CNTN5: variants seen among roughly 807,000 people sequenced by gnomAD.
CNTN5 encodes the protein contactin-5.
Under a neutral mutation model 129.1 loss-of-function variants are expected in CNTN5, and 77 were observed. The observed-to-expected ratio is 0.60, with a 90% CI of 0.50 to 0.72. The LOEUF (loss-of-function observed/expected upper bound fraction) is 0.72, where lower values mean the gene tolerates loss of function less well. CNTN5 is among the 30% of genes least tolerant of loss of function. The pLI is 0.00. For synonymous variants in CNTN5, 509 were observed against 465.6 expected, an observed-to-expected ratio of 1.09 and a Z score of -1.20; for missense variants, 1,478 against 1,328.8, an observed-to-expected ratio of 1.11 and a Z score of -1.75.
intron 1 of CNTN5, among the ~76,000 whole-genome samples, chr11:99,320,674 A>G (rs1287392578): frequency 6.6e-6 from 1 of 152,198 alleles, no homozygotes; most frequent in Non-Finnish European, 1.5e-5. Flanking sequence ...GAGGGGAGTA[A>G]GTACAGATAT....
intron 1 of CNTN5, among the ~76,000 whole-genome samples, chr11:99,264,296 T>C (rs1862781614): frequency 6.6e-6 from 1 of 151,840 alleles, no homozygotes; most frequent in Non-Finnish European, 1.5e-5. Context: ...TTACACAAAA[T>C]TTGTTTGGAT....
intron 4 of CNTN5, among the ~76,000 whole-genome samples, chr11:99,822,944 C>T (rs1025065126): frequency 6.6e-6 from 1 of 152,206 alleles, no homozygotes; most frequent in African/African-American, 2.4e-5. Context: ...GAAGTCAGCT[C>T]GTGCTGAGAG....
At chr11:99,362,350 G>T (rs895861962) in intron 2 of CNTN5, among the ~76,000 whole-genome samples, 1 of 151,748 alleles carries the variant, frequency 6.6e-6, no homozygotes. Context: ...TTATTGTTGA[G>T]TTATAGGTTC....
intron 2 of CNTN5, among the ~76,000 whole-genome samples, chr11:99,534,471 C>CA (rs982356425): frequency 2.8e-4 from 42 of 151,930 alleles, no homozygotes; most frequent in African/African-American, 9.6e-4. Context: ...TAAAAGATCA[C>CA]AAAAAATGCC....
chr11:99,808,943 A>G lies in CNTN5; in HGVS notation c.56-10601A>G, dbSNP rs1261453979. On this transcript the variant is annotated intron_variant, in intron 3 of 24. Transcript: ENST00000524871. ...TAACGGACAGCTAAAGATTATAAGC[A>G]TAGGGTTTTCTTTAATGGTAAAATA... Among the ~76,000 whole-genome samples the G allele has an allele frequency of 2.0e-5, 3 of 152,140 alleles. No individual in the cohort carries two copies. The East Asian group carries it at 5.8e-4, about 29-fold the overall frequency.
intron 1 of CNTN5, among the ~76,000 whole-genome samples, chr11:99,321,968 C>T (rs995376888): frequency 2.6e-5 from 4 of 152,106 alleles, no homozygotes; most frequent in Non-Finnish European, 1.5e-5. Flanking sequence ...TTTAGTTTGC[C>T]AAGCCATTCT....
At chr11:99,907,906 T>C (rs919882723) in intron 6 of CNTN5, among the ~76,000 whole-genome samples, 2 of 152,194 alleles carry the variant, frequency 1.3e-5, no homozygotes, top group African/African-American at 4.8e-5. Context: ...TTCATTGTAA[T>C]AATGGGTATT....
rs1311073612 is a variant in CNTN5, at chr11:100,284,936, G to A, written c.2315-12689G>A. Among the ~76,000 whole-genome samples, 4 of 152,310 alleles carry A rather than the reference G, an allele frequency of 2.6e-5. No homozygotes were observed. In the South Asian group the frequency reaches 6.2e-4, roughly 24 times the overall value. On this transcript the variant is annotated intron_variant, in intron 18 of 24. Coordinates refer to ENST00000524871, the MANE Select transcript of CNTN5 (RefSeq NM_014361.4). ...TTTCAACCTGGATTAACGTTCTACTGTGCCACTTAATAGCAGGGTGGACAT... is the reference window on the plus strand; with the variant it reads ...TTTCAACCTGGATTAACGTTCTACTATGCCACTTAATAGCAGGGTGGACAT...
chr11:100,202,467 T>C (rs1397012058), intron 15 of CNTN5, among the ~76,000 whole-genome samples: 2 of 151,488 alleles, frequency 1.3e-5, no homozygotes, highest in African/African-American at 4.8e-5. Flanking sequence ...TTTCAAGTAT[T>C]TATACATTTC....
chr11:99,511,319 G>A (rs1016130461), intron 2 of CNTN5, among the ~76,000 whole-genome samples: 12 of 152,116 alleles, frequency 7.9e-5, no homozygotes, highest in Non-Finnish European at 1.3e-4. Context: ...TCATTCAGGA[G>A]CAGGTTGTTC....
intron 2 of CNTN5, among the ~76,000 whole-genome samples, chr11:99,327,755 G>A (rs879538924): frequency 2.6e-5 from 4 of 152,098 alleles, no homozygotes; most frequent in African/African-American, 4.8e-5. Context: ...AACATTCAGC[G>A]GCAAAACTGA....
At chr11:99,614,754 C>T (rs1298127814) in intron 3 of CNTN5, among the ~76,000 whole-genome samples, 3 of 152,210 alleles carry the variant, frequency 2.0e-5, no homozygotes, top group Middle Eastern at 6.8e-3. Flanking sequence ...GAAAGTAACC[C>T]TATTTTCCTA....
intron 3 of CNTN5, among the ~76,000 whole-genome samples, chr11:99,620,018 T>C (rs1950885403): frequency 2.3e-5 from 1 of 44,192 alleles, no homozygotes; most frequent in South Asian, 7.1e-4. Context: ...AGAGCAAGAC[T>C]CCGTCTCAAA....
intron 2 of CNTN5, among the ~76,000 whole-genome samples, chr11:99,536,694 T>C (rs1056830076): frequency 4.6e-5 from 7 of 152,042 alleles, no homozygotes; most frequent in Admixed American, 2.6e-4. Flanking sequence ...GTTTTATACA[T>C]GACATCGTTA....
chr11:99,501,877 C>T (rs907953942), intron 2 of CNTN5, among the ~76,000 whole-genome samples: 9 of 152,196 alleles, frequency 5.9e-5, no homozygotes, highest in Non-Finnish European at 1.3e-4. Flanking sequence ...TGTGGAAGGC[C>T]TGACTCATAG....
chr11:100,155,114 G>A (rs1947195083), intron 13 of CNTN5, among the ~76,000 whole-genome samples: 1 of 152,100 alleles, frequency 6.6e-6, no homozygotes, highest in Non-Finnish European at 1.5e-5. Flanking sequence ...GTCCTGAATG[G>A]TATTGCTTAG....
intron 3 of CNTN5, among the ~76,000 whole-genome samples, chr11:99,658,592 C>T (rs758219391): frequency 2.0e-5 from 3 of 151,714 alleles, no homozygotes; most frequent in Admixed American, 6.6e-5. Context: ...AACCAGTGGG[C>T]CTAGCGCAGA....
intron 13 of CNTN5, among the ~76,000 whole-genome samples, chr11:100,075,731 A>G (rs963614299): frequency 2.6e-5 from 4 of 152,122 alleles, no homozygotes; most frequent in Non-Finnish European, 4.4e-5. Flanking sequence ...GAGAAGGTCA[A>G]TCTTTCTAGG....
intron 3 of CNTN5, among the ~76,000 whole-genome samples, chr11:99,769,327 G>C (rs187398721): frequency 1.2e-4 from 18 of 152,172 alleles, no homozygotes; most frequent in Admixed American, 7.2e-4. Context: ...AAGATACCAA[G>C]ATCTGAGTAT....
Sources: gnomAD v4.1 joint callset for allele counts (sites outside exome capture counted in the v4.1 genomes callset) on GRCh38, gnomAD v4.1.1 for gene constraint, MANE v1.5 for transcripts, NCBI Gene and HGNC (gene_info 2026-07-23, HGNC 2026-07-21) for gene names.